Variants in TAF2 observed in about 807,000 individuals in gnomAD.
TAF2 encodes the protein transcription initiation factor TFIID subunit 2.
Under a neutral mutation model 138.5 loss-of-function variants are expected in TAF2, and 61 were observed. The ratio of observed to expected loss-of-function variants is 0.44; its 90% CI spans 0.36 to 0.54. The LOEUF is 0.54. TAF2 is among the 20% of genes least tolerant of loss of function. TAF2 has a pLI of 0.00. For synonymous variants in TAF2, 475 were observed against 469.9 expected (o/e 1.01, Z -0.14); for missense variants, 1,090 against 1,427.9 (o/e 0.76, Z 3.81).
In TAF2 at chr8:119,731,920, C is replaced by G; in HGVS notation, c.*4G>C. On this transcript the variant is annotated 3_prime_UTR_variant, in exon 26 of 26. Transcript: ENST00000378164. ...ATGAAAGGAAAGGTCTTTTTGTCCC[C>G]TTCTCAGTCTGAAAGGGAAGGAGAA... The G allele has an allele frequency of 6.2e-7, 1 of 1,613,770 alleles. No homozygotes were observed. The highest frequency in any genetic ancestry group is 8.5e-7 in the Non-Finnish European group (1 of 1,179,724).
In TAF2 at chr8:119,781,120, C is replaced by A. The variant is rs141910559; in HGVS notation, c.2186G>T (p.Cys729Phe). ...TTTCACAATGTTTGGACAACTTTTA[C>A]AACAAAACATCCTAGTGAAGAGTGA... ...MKSLFTRMFC[C>F]KSCPNIVKTN... Residue 729 changes from cysteine (C) to phenylalanine (F), a missense_variant, in exon 17 of 26, where the codon TGT becomes TTT. Transcript: ENST00000378164. 6.2e-7 allele frequency: 1 copy of A among 1,613,896 alleles called. No homozygotes were observed. The highest frequency in any genetic ancestry group is 1.3e-5 in the African/African-American group (1 of 74,912).
intron 22 of TAF2, among the ~76,000 whole-genome samples, chr8:119,748,945 G>A (rs904104726): frequency 2.0e-5 from 3 of 151,354 alleles, no homozygotes; most frequent in Non-Finnish European, 2.9e-5. Flanking sequence ...AAACAGAACA[G>A]AACAGTTTAG....
intron 4 of TAF2, among the ~76,000 whole-genome samples, chr8:119,804,397 G>A (rs1460737327): frequency 6.6e-6 from 1 of 152,124 alleles, no homozygotes; most frequent in Non-Finnish European, 1.5e-5. Context: ...TTGGCTCTGT[G>A]TCCCCACCCA....
At chr8:119,812,117 T>G (rs6989791) in intron 3 of TAF2, among the ~76,000 whole-genome samples, 91,024 of 151,890 alleles carry the variant, frequency 0.6, 27,549 homozygotes, top group Middle Eastern at 0.76. Context: ...CAGGAAGTGG[T>G]TTGACACAAA....
chr8:119,763,699 C>T (rs1056574759), intron 18 of TAF2, among the ~76,000 whole-genome samples: 10 of 152,076 alleles, frequency 6.6e-5, no homozygotes, highest in African/African-American at 2.4e-4. Context: ...CACTGTACTC[C>T]AGCCTGGATG....
Position 119,744,404 on chromosome 8 carries a change from C to T in TAF2, c.3109-11G>A. The stretch of plus-strand genomic sequence containing the variant: ...TTGAGAACTGGAAAACTAAAACACA[C>T]ACACATAAAACAGAGGATAAAAGAA... On this transcript the variant is annotated splice_polypyrimidine_tract_variant and intron_variant, in intron 23 of 25. Coordinates refer to ENST00000378164, the MANE Select transcript of TAF2 (RefSeq NM_003184.4). 6.2e-7 allele frequency: 1 copy of T among 1,605,326 alleles called. No individual in the cohort carries two copies. The highest frequency in any genetic ancestry group is 8.5e-7 in the Non-Finnish European group (1 of 1,173,120).
intron 3 of TAF2, among the ~76,000 whole-genome samples, chr8:119,818,303 C>T (rs532188298): frequency 6.6e-6 from 1 of 152,296 alleles, no homozygotes; most frequent in South Asian, 2.1e-4. Context: ...GATGCTGATG[C>T]TTGTCTGGGA....
intron 2 of TAF2, among the ~76,000 whole-genome samples, chr8:119,824,161 C>T (rs1825955600): frequency 6.6e-6 from 1 of 152,110 alleles, no homozygotes; most frequent in Middle Eastern, 3.4e-3. Context: ...CCGGGCATGG[C>T]GGCTCACACC....
chr8:119,814,334 C>T (rs1159226996), intron 3 of TAF2, among the ~76,000 whole-genome samples: 1 of 151,684 alleles, frequency 6.6e-6, no homozygotes, highest in African/African-American at 2.4e-5. Flanking sequence ...ATTGCTATTA[C>T]TTAACCATAA....
chr8:119,771,704 A>ACACCTAAGTCCCATGTTACAGAGTTT (rs1821852083), intron 18 of TAF2, among the ~76,000 whole-genome samples: 1 of 152,192 alleles, frequency 6.6e-6, no homozygotes, highest in African/African-American at 2.4e-5. Flanking sequence ...AACAACACCT[A>ACACCTAAGTCCCATGTTACAGAGTTT]CACCTAAGAA....
At position 119,801,905 on chromosome 8, in the gene TAF2, A is replaced by G. The variant is rs1824292848; in HGVS notation, c.681T>C (p.His227=). 1 of 1,614,198 alleles carries G rather than the reference A, an allele frequency of 6.2e-7. No homozygotes were observed. The highest frequency in any genetic ancestry group is 8.5e-7 in the Non-Finnish European group (1 of 1,180,030). ...NGDLVETVYT[H]DMRKKTFHYM... is the part of the protein sequence containing the mutation. ...AATGGAAAGTTTTCTTCCTCATATC[A>G]TGAGTATACACTGTCTCCACCAAAT... is the stretch of plus-strand genomic sequence containing the variant. The change falls in exon 6 of 26, where the codon CAT becomes CAC. Residue 227 remains histidine (H), a synonymous_variant. Coordinates refer to ENST00000378164, the MANE Select transcript of TAF2 (RefSeq NM_003184.4).
At chr8:119,827,466 C>T (rs971221363) in intron 2 of TAF2, among the ~76,000 whole-genome samples, 2 of 152,196 alleles carry the variant, frequency 1.3e-5, no homozygotes, top group African/African-American at 4.8e-5. Context: ...ATAAATCTTT[C>T]CTCTCAAACC....
At position 119,786,888 on chromosome 8, in the gene TAF2, T is replaced by C. The variant is rs142846096; in HGVS notation, c.1793+1450A>G. 9.0e-3 allele frequency among the ~76,000 whole-genome samples: 1,377 copies of C among 152,156 alleles called. 19 individuals carry two copies. The highest frequency in any genetic ancestry group is 0.032 in the African/African-American group (1,313 of 41,510). ...ATGAGCTGAGATCGCGCCACTGCACTCCAGACTGGGTGACAGAGCAAGACT... is the reference window on the plus strand; with the variant it reads ...ATGAGCTGAGATCGCGCCACTGCACCCCAGACTGGGTGACAGAGCAAGACT... On this transcript the variant is annotated intron_variant, in intron 14 of 25. Coordinates refer to ENST00000378164, the MANE Select transcript of TAF2 (RefSeq NM_003184.4).
intron 16 of TAF2, among the ~76,000 whole-genome samples, chr8:119,781,891 T>A (rs1258968857): frequency 6.6e-6 from 1 of 152,116 alleles, no homozygotes; most frequent in Admixed American, 6.5e-5. Flanking sequence ...TTTCACCATG[T>A]AGGCCAGGTT....
rs568330397 is a variant in TAF2 at position 119,786,877 on chromosome 8, C to T, written c.1793+1461G>A. ...CGGAGGTTGCAATGAGCTGAGATCG[C>T]GCCACTGCACTCCAGACTGGGTGAC... On this transcript the variant is annotated intron_variant, in intron 14 of 25. Coordinates refer to ENST00000378164, the MANE Select transcript of TAF2 (RefSeq NM_003184.4). Among the ~76,000 whole-genome samples the T allele has an allele frequency of 8.5e-5, 13 of 152,164 alleles. No individual in the cohort carries two copies. In the East Asian group the frequency reaches 2.1e-3, roughly 25 times the overall value.
chr8:119,770,008 C>G (rs372264979), intron 18 of TAF2, among the ~76,000 whole-genome samples: 2 of 151,882 alleles, frequency 1.3e-5, no homozygotes, highest in Non-Finnish European at 2.9e-5. Flanking sequence ...CCGCCCATCT[C>G]AGCCTCCCAA....
intron 22 of TAF2, among the ~76,000 whole-genome samples, chr8:119,750,845 T>C (rs1207361385): frequency 2.0e-5 from 3 of 152,186 alleles, no homozygotes; most frequent in African/African-American, 7.2e-5. Context: ...AATTATGATG[T>C]AAATAAACAG....
rs1233391016 is a variant in TAF2 at position 119,742,722 on chromosome 8, C to T, written c.3215-66G>A. 8 of 1,579,124 alleles carry T rather than the reference C, an allele frequency of 5.1e-6. No homozygotes were observed. The Admixed American group carries it at 1.3e-4, about 25-fold the overall frequency. ...TTGTTTCCCAAAAGAAAAAAAAAGG[C>T]TGACAGGTTTTTATAAGCTAGCCTT... On this transcript the variant is annotated intron_variant, in intron 24 of 25. Coordinates refer to ENST00000378164, the MANE Select transcript of TAF2 (RefSeq NM_003184.4).
intron 24 of TAF2, among the ~76,000 whole-genome samples, chr8:119,742,899 T>A (rs148729152): frequency 0.011 from 1,652 of 151,798 alleles, 30 homozygotes; most frequent in African/African-American, 0.037. Flanking sequence ...CTAGACCCCG[T>A]CTCTACTAAA....
Sources: allele counts gnomAD v4.1 joint callset (sites outside exome capture counted in the v4.1 genomes callset), GRCh38; gene constraint gnomAD v4.1.1; transcripts MANE v1.5; gene names NCBI Gene and HGNC (gene_info 2026-07-23, HGNC 2026-07-21).